WIPF3: variants seen among roughly 807,000 people sequenced by gnomAD.
The protein encoded by WIPF3 is WAS/WASL-interacting protein family member 3.
WIPF3 carries 33 observed loss-of-function variants against 38.9 expected under a neutral mutation model. The observed-to-expected ratio is 0.85, with a 90% CI of 0.64 to 1.14. The LOEUF (loss-of-function observed/expected upper bound fraction) is 1.14, where lower values mean the gene tolerates loss of function less well. Among genes scored for constraint, WIPF3 ranks in the 50% most tolerant of loss-of-function variants. The probability of loss-of-function intolerance (pLI) is 0.00; values close to 1 mark genes in which losing one functional copy is unlikely to be tolerated. For missense variants in WIPF3, 711 were observed against 652.5 expected, an observed-to-expected ratio of 1.09 and a Z score of -0.98; for synonymous variants, 324 against 269.3, an observed-to-expected ratio of 1.20 and a Z score of -1.99.
chr7:29,879,071 C>G lies in WIPF3; in HGVS notation c.286C>G (p.Pro96Ala). The G allele has an allele frequency of 1.2e-6, 2 of 1,610,802 alleles. No homozygotes were observed. The highest frequency in any genetic ancestry group is 1.1e-5 in the South Asian group (1 of 90,156). Residue 96 changes from proline (P) to alanine (A), a missense_variant, in exon 4 of 9, where the codon CCC becomes GCC. By Grantham distance (27) the Pro-to-Ala change is conservative (BLOSUM62 -1). Transcript: ENST00000242140. ...AAACACACGAGGCGCGAGCACACCT[C>G]CCACCCTGGGAGATCTGTTTGCTGG... ...SANTRGASTPPTLGDLFAGGF... is the reference protein window; with the variant it reads ...SANTRGASTPATLGDLFAGGF...
At chr7:29,815,052 C>T (rs552210131) in intron 1 of WIPF3, among the ~76,000 whole-genome samples, 24 of 152,232 alleles carry the variant, frequency 1.6e-4, no homozygotes, top group African/African-American at 5.3e-4. Context: ...TTAAAGCTTC[C>T]GTTTATTCTA....
At chr7:29,863,541 T>G (rs114501039) in intron 2 of WIPF3, among the ~76,000 whole-genome samples, 1,631 of 152,352 alleles carry the variant, frequency 0.011, 34 homozygotes, top group African/African-American at 0.038. Flanking sequence ...AAAATCATTT[T>G]GATGATTCTA....
At chr7:29,875,678 C>T (rs1785576821) in intron 2 of WIPF3, among the ~76,000 whole-genome samples, 152 bp from the exon 3 acceptor site, 1 of 152,062 alleles carries the variant, frequency 6.6e-6, no homozygotes, top group South Asian at 2.1e-4. Context: ...TGAGCAGGAC[C>T]CAAAAGTGTC....
chr7:29,827,610 G>A (rs1047452035), intron 1 of WIPF3, among the ~76,000 whole-genome samples: 16 of 152,088 alleles, frequency 1.1e-4, no homozygotes, highest in Non-Finnish European at 1.8e-4. Context: ...TATATATTGC[G>A]TCATGGGGTT....
At chr7:29,877,739 A>C (rs1057058731) in intron 3 of WIPF3, among the ~76,000 whole-genome samples, 2 of 152,232 alleles carry the variant, frequency 1.3e-5, no homozygotes, top group Non-Finnish European at 2.9e-5. Context: ...AAAATATTGC[A>C]TGAAATTAAT....
At chr7:29,813,724 T>G (rs1460490307) in intron 1 of WIPF3, among the ~76,000 whole-genome samples, 1 of 152,168 alleles carries the variant, frequency 6.6e-6, no homozygotes, top group Non-Finnish European at 1.5e-5. Flanking sequence ...ACAATTTCAG[T>G]GGTTTTTAGA....
intron 4 of WIPF3, among the ~76,000 whole-genome samples, chr7:29,879,680 G>C (rs1278537189): frequency 6.6e-6 from 1 of 152,210 alleles, no homozygotes; most frequent in Non-Finnish European, 1.5e-5. Context: ...AGGTTGTGTA[G>C]GTAGCTTTGC....
At chr7:29,827,534 T>C (rs1784637395) in intron 1 of WIPF3, among the ~76,000 whole-genome samples, 1 of 152,126 alleles carries the variant, frequency 6.6e-6, no homozygotes, top group Admixed American at 6.5e-5. Flanking sequence ...GGCCGCAAGG[T>C]ACCTTTAATA....
At chr7:29,816,346 G>A (rs1315774783) in intron 1 of WIPF3, among the ~76,000 whole-genome samples, 1 of 151,214 alleles carries the variant, frequency 6.6e-6, no homozygotes, top group Non-Finnish European at 1.5e-5. Context: ...CATTTTTTTA[G>A]AGACAGAGTC....
At chr7:29,836,831 A>C (rs546070153) in intron 2 of WIPF3, among the ~76,000 whole-genome samples, 1 of 152,046 alleles carries the variant, frequency 6.6e-6, no homozygotes. Context: ...TCTACTAAAA[A>C]ATACAAAAAT....
chr7:29,854,578 G>A (rs112674094), intron 2 of WIPF3, among the ~76,000 whole-genome samples: 3 of 152,284 alleles, frequency 2.0e-5, no homozygotes, highest in African/African-American at 7.2e-5. Flanking sequence ...CCACTGAGGT[G>A]TACAGACTCC....
intron 8 of WIPF3, among the ~76,000 whole-genome samples, chr7:29,909,979 A>G (rs1007104084): frequency 3.9e-5 from 6 of 152,154 alleles, no homozygotes; most frequent in Non-Finnish European, 7.3e-5. Flanking sequence ...GTTAATTGGT[A>G]TAAAAAATAG....
rs769689141 is a variant in WIPF3 at position 29,878,236 on chromosome 7, C to G, written c.224-773C>G. Among the ~76,000 whole-genome samples, 2 of 152,218 alleles carry G rather than the reference C, an allele frequency of 1.3e-5. No individual in the cohort carries two copies. The highest frequency in any genetic ancestry group is 2.9e-5 in the Non-Finnish European group (2 of 68,034). On this transcript the variant is annotated intron_variant, in intron 3 of 8. Coordinates refer to ENST00000242140, the MANE Select transcript of WIPF3 (RefSeq NM_001080529.3). This position sits in a 1 kb window ranked among gnomAD's most constrained non-coding sequence, Gnocchi z 4.0. ...GTAAGTAATGTACAATATTAATACT[C>G]AGAATAATCTGGCCACTTTCATCCA...
intron 1 of WIPF3, among the ~76,000 whole-genome samples, chr7:29,808,511 C>T (rs1357124606): frequency 3.3e-5 from 5 of 152,242 alleles, no homozygotes; most frequent in Non-Finnish European, 7.3e-5. Context: ...AGGCAACCTT[C>T]AACAGGCAAT....
At position 29,884,264 on chromosome 7, in the gene WIPF3, T is replaced by TTGCCCCCCC; in HGVS notation, c.770_771insTGCCCCCCC (p.Leu257_Pro258insAlaProPro). Reference sequence around the variant, plus strand: ...AAGCCTCAGCTGGCTCCCTTGCACCTCCCGCCCATCCCGCCCCCGCTCCCT... The same window carrying TTGCCCCCCC: ...AAGCCTCAGCTGGCTCCCTTGCACCTTGCCCCCCCCCCGCCCATCCCGCCCCCGCTCCCT... On this transcript the variant is annotated inframe_insertion, in exon 5 of 9. Coordinates refer to ENST00000242140, the MANE Select transcript of WIPF3 (RefSeq NM_001080529.3). 1.5e-6 allele frequency: 2 copies of TTGCCCCCCC among 1,315,280 alleles called. No individual in the cohort carries two copies. The highest frequency in any genetic ancestry group is 1.0e-6 in the Non-Finnish European group (1 of 992,704). 81.5% of individuals were successfully genotyped at this position (1,315,280 alleles called of 1,614,324 possible).
chr7:29,817,156 T>C (rs981143818), intron 1 of WIPF3, among the ~76,000 whole-genome samples: 2 of 152,216 alleles, frequency 1.3e-5, no homozygotes, highest in African/African-American at 4.8e-5. Flanking sequence ...TCCTTATGTG[T>C]GAACTGTTTA....
At chr7:29,856,661 A>G (rs970077240) in intron 2 of WIPF3, among the ~76,000 whole-genome samples, 5 of 152,134 alleles carry the variant, frequency 3.3e-5, no homozygotes, top group Non-Finnish European at 7.4e-5. Flanking sequence ...CTTTCTAGCT[A>G]TCTCTTTAAA....
rs1288327685 is a variant in WIPF3, at chr7:29,889,216, AGTCAGAGTAATCTCT to A, written c.1250-87_1250-73del. 2.9e-6 allele frequency: 3 copies of A among 1,038,936 alleles called. No individual in the cohort carries two copies. The East Asian group carries it at 7.6e-5, about 26-fold the overall frequency. 64.4% of individuals were successfully genotyped at this position (1,038,936 alleles called of 1,614,324 possible). On this transcript the variant is annotated intron_variant, in intron 6 of 8. Transcript: ENST00000242140. Reference sequence around the variant, plus strand: ...CAGGCAAACAGAAAACGGTGGATGCAGTCAGAGTAATCTCTGTGCTCCTGGAAATGATCAAAACTT... The same window carrying A: ...CAGGCAAACAGAAAACGGTGGATGCAGTGCTCCTGGAAATGATCAAAACTT...
intron 6 of WIPF3, among the ~76,000 whole-genome samples, chr7:29,888,490 T>C (rs1194337400): frequency 3.8e-5 from 5 of 132,870 alleles, no homozygotes; most frequent in South Asian, 2.5e-4. Context: ...TGTGAGTGTG[T>C]GTGCGTGTGC....
Sources: allele counts gnomAD v4.1 joint callset (sites outside exome capture counted in the v4.1 genomes callset), GRCh38; gene constraint gnomAD v4.1.1; non-coding constraint Gnocchi (gnomAD v3.1); transcripts MANE v1.5; gene names NCBI Gene and HGNC (gene_info 2026-07-23, HGNC 2026-07-21).